The following DSTYK variants were observed in gnomAD, a reference collection of about 807,000 sequenced individuals.
DSTYK encodes RIP-homologous kinase.
A neutral mutation model predicts 98.7 loss-of-function variants in DSTYK; 34 were observed. The ratio of observed to expected loss-of-function variants is 0.34; its 90% CI spans 0.26 to 0.46. The LOEUF is 0.46. Ranked by LOEUF, DSTYK falls within the 20% of genes least tolerant of loss-of-function variation. The pLI, the probability that DSTYK is intolerant of heterozygous loss-of-function variation, is 1.00. For synonymous variants in DSTYK, 462 were observed against 457.3 expected (o/e 1.01, Z -0.13); for missense variants, 962 against 1,181.7 (o/e 0.81, Z 2.73).
At chr1:205,179,477 C>T (rs746097410) in intron 2 of DSTYK, among the ~76,000 whole-genome samples, 42 of 151,796 alleles carry the variant, frequency 2.8e-4, no homozygotes, top group South Asian at 4.2e-4. Context: ...AAAAATTAGC[C>T]GGGCGTGGTG....
At chr1:205,154,988 T>G (rs1198829506) in intron 10 of DSTYK, among the ~76,000 whole-genome samples, 2 of 151,672 alleles carry the variant, frequency 1.3e-5, no homozygotes, top group Non-Finnish European at 2.9e-5. Flanking sequence ...ATTTATTTAT[T>G]TATTTATTTA....
intron 2 of DSTYK, among the ~76,000 whole-genome samples, chr1:205,180,517 T>C (rs570768889): frequency 6.6e-6 from 1 of 152,356 alleles, no homozygotes; most frequent in East Asian, 1.9e-4. Flanking sequence ...CAGGCTGGAA[T>C]GCAATGGCGC....
intron 7 of DSTYK, among the ~76,000 whole-genome samples, chr1:205,160,661 C>G (rs879771994): frequency 1.1e-4 from 17 of 151,938 alleles, no homozygotes; most frequent in Admixed American, 1.1e-3. Flanking sequence ...TGTGAACCTG[C>G]CTTTAGGGTC....
Position 205,208,073 on chromosome 1 carries a change from T to A in DSTYK, c.265+3198A>T, listed in dbSNP as rs1308308665. 2.0e-5 allele frequency among the ~76,000 whole-genome samples: 3 copies of A among 151,798 alleles called. No homozygotes were observed. In the East Asian group the frequency reaches 5.9e-4, roughly 30 times the overall value. The stretch of plus-strand genomic sequence containing the variant: ...TTTTGGATTTTTAATAGAGACGGGG[T>A]TTCTCCATGTTGGCCAGGCTGGTCT... On this transcript the variant is annotated intron_variant, in intron 1 of 12. Transcript: ENST00000367162.
At chr1:205,174,966 A>T (rs1658185680) in intron 2 of DSTYK, among the ~76,000 whole-genome samples, 2 of 151,630 alleles carry the variant, frequency 1.3e-5, no homozygotes, top group South Asian at 4.2e-4. Flanking sequence ...CAAACTCCCA[A>T]CCTCAGGTGA....
At chr1:205,160,946 AT>A (rs1203489649) in intron 7 of DSTYK, among the ~76,000 whole-genome samples, 9 of 151,812 alleles carry the variant, frequency 5.9e-5, no homozygotes, top group Non-Finnish European at 8.8e-5. Flanking sequence ...CGCCCAGCTA[AT>A]TTTTTTAGTA....
In DSTYK at chr1:205,211,618, G is replaced by T. The variant is rs1014767223; in HGVS notation, c.-83C>A. On this transcript the variant is annotated 5_prime_UTR_variant, in exon 1 of 13. Coordinates refer to ENST00000367162, the MANE Select transcript of DSTYK (RefSeq NM_015375.3). ...CCTCCCCGCCCCCCAGTGCCGAAGGGAGGAGGAATCCGCCTCCTGACGCCC... is the reference window on the plus strand; with the variant it reads ...CCTCCCCGCCCCCCAGTGCCGAAGGTAGGAGGAATCCGCCTCCTGACGCCC... 2 of 1,397,286 alleles carry T rather than the reference G, an allele frequency of 1.4e-6. No individual in the cohort carries two copies. Among genetic ancestry groups the T allele is most frequent in the Non-Finnish European group, 1.8e-6 (2 of 1,082,020 alleles). The allele number at this position is 1,397,286 out of a possible 1,614,324, so 86.6% of individuals were successfully genotyped here.
chr1:205,185,365 G>A (rs1658531415), intron 2 of DSTYK, among the ~76,000 whole-genome samples: 1 of 151,980 alleles, frequency 6.6e-6, no homozygotes, highest in Admixed American at 6.6e-5. Context: ...AGTCATTTCT[G>A]CTATTTAACA....
intron 1 of DSTYK, among the ~76,000 whole-genome samples, chr1:205,209,797 C>T (rs1659316788): frequency 6.6e-6 from 1 of 152,108 alleles, no homozygotes; most frequent in Non-Finnish European, 1.5e-5. Context: ...AGTTCTAAGC[C>T]TTGTGTTCAA....
chr1:205,204,704 C>A (rs1292896173), intron 1 of DSTYK, among the ~76,000 whole-genome samples: 4 of 152,116 alleles, frequency 2.6e-5, no homozygotes, highest in Non-Finnish European at 5.9e-5. Context: ...GCACTCTCAT[C>A]TCCTCCCAGA....
At chr1:205,174,676 C>T (rs1387972844) in intron 2 of DSTYK, among the ~76,000 whole-genome samples, 1 of 149,360 alleles carries the variant, frequency 6.7e-6, no homozygotes, top group Non-Finnish European at 1.5e-5. Flanking sequence ...GAGTGAGATA[C>T]TGTCCAAAAA....
At chr1:205,161,176 C>A in intron 7 of DSTYK, 82 bp downstream of exon 7, 1 of 1,552,908 alleles carries the variant, frequency 6.4e-7, no homozygotes, top group East Asian at 2.2e-5. Context: ...GCTTTAGACA[C>A]TAGGATTCTC....
At position 205,182,230 on chromosome 1, in the gene DSTYK, G is replaced by A. The variant is rs184940379; in HGVS notation, c.654+5188C>T. 9.9e-4 allele frequency among the ~76,000 whole-genome samples: 149 copies of A among 149,782 alleles called. 2 individuals are homozygous for A. Among genetic ancestry groups the A allele is most frequent in the African/African-American group, 3.5e-3 (141 of 40,648 alleles). ...AGCCTGGTCAACATGGTGAAACCCC[G>A]CCTCTATAAAAAACACAAAAATTAG... On this transcript the variant is annotated intron_variant, in intron 2 of 12. Coordinates refer to ENST00000367162, the MANE Select transcript of DSTYK (RefSeq NM_015375.3).
chr1:205,169,623 T>C lies in DSTYK; in HGVS notation c.864A>G (p.Ile288Met), dbSNP rs1558609530. 6.2e-7 allele frequency: 1 copy of C among 1,614,224 alleles called. No individual in the cohort carries two copies. The highest frequency in any genetic ancestry group is 1.7e-5 in the Admixed American group (1 of 60,024). The change falls in exon 3 of 13, where the codon ATA becomes ATG. Residue 288 changes from isoleucine to methionine, a missense_variant. Coordinates refer to ENST00000367162, the MANE Select transcript of DSTYK (RefSeq NM_015375.3). The surrounding 1 kb of genome is among the most constrained non-coding windows in gnomAD (Gnocchi z 4.0). ...FFKVPKLGSE[I>M]IDSSTRRMES... Reference sequence around the variant, plus strand: ...CCATTCTCCTGGTTGAGGAGTCTATTATCTCCGAGCCCAGTTTCGGCACTT... The same window carrying C: ...CCATTCTCCTGGTTGAGGAGTCTATCATCTCCGAGCCCAGTTTCGGCACTT...
chr1:205,150,958 G>A lies in DSTYK; in HGVS notation c.2353-164C>T, dbSNP rs1657385712. Among the ~76,000 whole-genome samples, 1 of 152,198 alleles carries A rather than the reference G, an allele frequency of 6.6e-6. No individual in the cohort carries two copies. Among genetic ancestry groups the A allele is most frequent in the Non-Finnish European group, 1.5e-5 (1 of 68,044 alleles). ...TTCATCCTTGTACAAACACCAGACT[G>A]TGCTTACACCAACCCAGATGGTATA... On this transcript the variant is annotated intron_variant, in intron 10 of 12. Coordinates refer to ENST00000367162, the MANE Select transcript of DSTYK (RefSeq NM_015375.3). This position sits in a 1 kb window ranked among gnomAD's most constrained non-coding sequence, Gnocchi z 4.1.
chr1:205,191,851 G>A (rs1219864399), intron 1 of DSTYK, among the ~76,000 whole-genome samples: 6 of 152,152 alleles, frequency 3.9e-5, no homozygotes, highest in Non-Finnish European at 7.3e-5. Flanking sequence ...CAAGTTAATC[G>A]AGTTTTCTTT....
chr1:205,145,971 G>A lies in DSTYK; in HGVS notation c.*1587C>T, dbSNP rs11240369. The A allele has an allele frequency of 0.31, 46,717 of 151,956 alleles. 8,938 individuals are homozygous for A. Among genetic ancestry groups the A allele is most frequent in the Non-Finnish European group, 0.44 (29,661 of 67,968 alleles). The allele number at this position is 151,956 out of a possible 1,614,324, so 9.4% of individuals were successfully genotyped here. ...TTCTTTCCTCAAGCACACTTCATGA[G>A]GAACCCTCCAAAAGACCACCCACCC... On this transcript the variant is annotated 3_prime_UTR_variant, in exon 13 of 13. Transcript: ENST00000367162.
intron 2 of DSTYK, among the ~76,000 whole-genome samples, chr1:205,179,157 C>T (rs1658320368): frequency 6.6e-6 from 1 of 151,680 alleles, no homozygotes; most frequent in African/African-American, 2.4e-5. Context: ...GAATTATAGC[C>T]CCATCTTACA....
At chr1:205,198,834 C>CTTT (rs5780273) in intron 1 of DSTYK, among the ~76,000 whole-genome samples, 1 of 128,210 alleles carries the variant, frequency 7.8e-6, no homozygotes, top group Non-Finnish European at 1.6e-5. Context: ...GGCACTAAAG[C>CTTT]TTTTTTTTTT....
Sources: gnomAD v4.1 joint callset for allele counts (sites outside exome capture counted in the v4.1 genomes callset) on GRCh38, gnomAD v4.1.1 for gene constraint, Gnocchi (gnomAD v3.1) non-coding constraint, MANE v1.5 for transcripts, NCBI Gene and HGNC (gene_info 2026-07-23, HGNC 2026-07-21) for gene names.